The following TRIM44 variants were observed in gnomAD, a reference collection of about 807,000 sequenced individuals.
TRIM44 encodes tripartite motif-containing protein 44.
TRIM44 carries 13 observed loss-of-function variants against 37.4 expected under a neutral mutation model. The ratio of observed to expected loss-of-function variants is 0.35; its 90% CI spans 0.23 to 0.55. TRIM44 has a LOEUF of 0.55. TRIM44 is among the 20% of genes least tolerant of loss of function. The probability of loss-of-function intolerance (pLI) is 0.89; values close to 1 mark genes in which losing one functional copy is unlikely to be tolerated. For synonymous variants in TRIM44, 175 were observed against 157.2 expected (o/e 1.11, Z -0.85); for missense variants, 426 against 437.2 (o/e 0.97, Z 0.23).
chr11:35,752,082 C>A (rs1248426197), intron 4 of TRIM44, among the ~76,000 whole-genome samples: 1 of 152,078 alleles, frequency 6.6e-6, no homozygotes, highest in African/African-American at 2.4e-5. Context: ...TTCTTCTACC[C>A]TTTGCCTTCT....
rs1245621636 is a variant in TRIM44 at position 35,815,759 on chromosome 11, A to G, written c.*9374A>G. On this transcript the variant is annotated 3_prime_UTR_variant, in exon 5 of 5. Coordinates refer to ENST00000299413, the MANE Select transcript of TRIM44 (RefSeq NM_017583.6). ...GTCACCGGGGCATCTGCCATTGCAT[A>G]TGTTTAAGTGGTATAAAGAAGCCAG... 2.0e-5 allele frequency: 3 copies of G among 152,184 alleles called. No individual in the cohort carries two copies. Among genetic ancestry groups the G allele is most frequent in the Non-Finnish European group, 4.4e-5 (3 of 68,042 alleles). 9.4% of individuals were successfully genotyped at this position (152,184 alleles called of 1,614,324 possible).
Position 35,662,912 on chromosome 11 carries a change from G to C in TRIM44, c.-200G>C. The C allele has an allele frequency of 2.3e-6, 2 of 879,832 alleles. No individual in the cohort carries two copies. The highest frequency in any genetic ancestry group is 3.1e-6 in the Non-Finnish European group (2 of 643,612). The allele number at this position is 879,832 out of a possible 1,614,324, so 54.5% of individuals were successfully genotyped here. A position where few individuals can be genotyped will look rare whatever the true frequency, so the allele number is the denominator to read the frequency against. ...GCGCAGGGACAGAGCGGAGCAGGCC[G>C]AGCCGGCGGAAAGGGTCTTTGCTGC... On this transcript the variant is annotated 5_prime_UTR_variant, in exon 1 of 5. Coordinates refer to ENST00000299413, the MANE Select transcript of TRIM44 (RefSeq NM_017583.6).
chr11:35,726,233 C>A, intron 3 of TRIM44, 70 bp downstream of exon 3: 1 of 1,567,798 alleles, frequency 6.4e-7, no homozygotes, highest in South Asian at 1.2e-5. Context: ...TTTGTTAGAC[C>A]CCATGTGGTC....
At chr11:35,683,329 T>G (rs1851540086) in intron 1 of TRIM44, among the ~76,000 whole-genome samples, 1 of 152,176 alleles carries the variant, frequency 6.6e-6, no homozygotes, top group Admixed American at 6.5e-5. Flanking sequence ...TTAAGCTGTG[T>G]TTGGAGAACA....
chr11:35,663,785 G>A lies in TRIM44; in HGVS notation c.669+5G>A. Reference sequence around the variant, plus strand: ...GAAGCCTTTGAAGAATTAAGAGTAAGTATTGGGCCTTCAGAGCATAAACCT... The same window carrying A: ...GAAGCCTTTGAAGAATTAAGAGTAAATATTGGGCCTTCAGAGCATAAACCT... On this transcript the variant is annotated splice_donor_5th_base_variant and intron_variant, in intron 1 of 4. Coordinates refer to ENST00000299413, the MANE Select transcript of TRIM44 (RefSeq NM_017583.6). 1.9e-6 allele frequency: 3 copies of A among 1,611,078 alleles called. No homozygotes were observed. The highest frequency in any genetic ancestry group is 2.5e-6 in the Non-Finnish European group (3 of 1,178,760).
chr11:35,758,803 T>C lies in TRIM44; in HGVS notation c.1007+23358T>C, dbSNP rs1852683513. ...TGAAATTCTGGGTTGAAAATTCTTT[T>C]CTTTAAGAATGTTGAGTATTGGCCC... is the stretch of plus-strand genomic sequence containing the variant. On this transcript the variant is annotated intron_variant, in intron 4 of 4. Transcript: ENST00000299413. Among the ~76,000 whole-genome samples the C allele has an allele frequency of 2.0e-5, 3 of 152,350 alleles. 1 individual carries two copies. Among genetic ancestry groups the C allele is most frequent in the Admixed American group, 2.0e-4 (3 of 15,304 alleles).
At chr11:35,670,423 A>C (rs1851381080) in intron 1 of TRIM44, among the ~76,000 whole-genome samples, 1 of 152,222 alleles carries the variant, frequency 6.6e-6, no homozygotes, top group Non-Finnish European at 1.5e-5. Flanking sequence ...AGTATTAAGT[A>C]GTGCTAGTCA....
chr11:35,694,946 T>C (rs1007353643), intron 2 of TRIM44, among the ~76,000 whole-genome samples: 2 of 152,132 alleles, frequency 1.3e-5, no homozygotes, highest in Admixed American at 6.5e-5. Context: ...CTTAGTGTTA[T>C]AACATTAGTC....
At chr11:35,690,767 A>ATTATCTAT (rs2135493740) in intron 2 of TRIM44, among the ~76,000 whole-genome samples, 1 of 152,312 alleles carries the variant, frequency 6.6e-6, no homozygotes, top group East Asian at 1.9e-4. Context: ...AGTAATTGAT[A>ATTATCTAT]TGTATTATCT....
intron 2 of TRIM44, among the ~76,000 whole-genome samples, chr11:35,703,914 G>A (rs1851835430): frequency 6.6e-6 from 1 of 152,242 alleles, no homozygotes; most frequent in Non-Finnish European, 1.5e-5. Context: ...GATGGAGAAT[G>A]ACTTTGACGA....
At chr11:35,686,010 C>T (rs1851573127) in intron 2 of TRIM44, among the ~76,000 whole-genome samples, 1 of 152,232 alleles carries the variant, frequency 6.6e-6, no homozygotes, top group African/African-American at 2.4e-5. Flanking sequence ...GATCCAGACT[C>T]ATCTAGTTGG....
rs4756252 is a variant in TRIM44, at chr11:35,673,338, T to C, written c.669+9558T>C. 0.014 allele frequency among the ~76,000 whole-genome samples: 2,115 copies of C among 152,306 alleles called. 119 individuals carry two copies. In the East Asian group the frequency reaches 0.14, roughly 10 times the overall value. On this transcript the variant is annotated intron_variant, in intron 1 of 4. Coordinates refer to ENST00000299413, the MANE Select transcript of TRIM44 (RefSeq NM_017583.6). ...CTATTGTGTTACCATTCGATGCTACTGTATAGAGTCCAGTGATTTTATTCA... is the reference window on the plus strand; with the variant it reads ...CTATTGTGTTACCATTCGATGCTACCGTATAGAGTCCAGTGATTTTATTCA...
At chr11:35,704,959 A>T (rs2135503462) in intron 2 of TRIM44, among the ~76,000 whole-genome samples, 1 of 149,774 alleles carries the variant, frequency 6.7e-6, no homozygotes, top group South Asian at 2.2e-4. Flanking sequence ...TAAAAGACAC[A>T]GACTGGCAAA....
chr11:35,801,530 C>T (rs970312365), intron 4 of TRIM44, among the ~76,000 whole-genome samples: 1 of 152,180 alleles, frequency 6.6e-6, no homozygotes, highest in Non-Finnish European at 1.5e-5. Flanking sequence ...GCTCTGGGGA[C>T]AGAAGCCAAA....
intron 4 of TRIM44, among the ~76,000 whole-genome samples, chr11:35,790,949 A>T (rs1487342237): frequency 1.3e-5 from 2 of 152,186 alleles, no homozygotes; most frequent in Non-Finnish European, 2.9e-5. Flanking sequence ...ATAAACGTCC[A>T]CTTCTCAGTT....
chr11:35,720,416 CT>C (rs563665257), intron 2 of TRIM44, among the ~76,000 whole-genome samples: 94 of 137,108 alleles, frequency 6.9e-4, no homozygotes, highest in Non-Finnish European at 7.3e-4. Context: ...AGGTTTTTTT[CT>C]TTTTTTTTTT....
At chr11:35,802,632 AC>A (rs1424020983) in intron 4 of TRIM44, among the ~76,000 whole-genome samples, 2 of 152,188 alleles carry the variant, frequency 1.3e-5, no homozygotes, top group African/African-American at 4.8e-5. Context: ...TAAGGCCACC[AC>A]TTTTAGATAC....
chr11:35,720,296 G>A (rs1300344682), intron 2 of TRIM44, among the ~76,000 whole-genome samples: 1 of 152,012 alleles, frequency 6.6e-6, no homozygotes, highest in African/African-American at 2.4e-5. Context: ...TAATGTAAAT[G>A]GTATTATCTT....
chr11:35,759,760 A>G (rs1236204507), intron 4 of TRIM44, among the ~76,000 whole-genome samples: 4 of 152,152 alleles, frequency 2.6e-5, no homozygotes, highest in African/African-American at 7.2e-5. Flanking sequence ...CTGGAGGTCC[A>G]CTCCAGACCC....
Sources: gnomAD v4.1 joint callset for allele counts (sites outside exome capture counted in the v4.1 genomes callset) on GRCh38, gnomAD v4.1.1 for gene constraint, MANE v1.5 for transcripts, NCBI Gene and HGNC (gene_info 2026-07-23, HGNC 2026-07-21) for gene names.